SPRED2: variants seen among roughly 807,000 people sequenced by gnomAD.
SPRED2 encodes sprouty related EVH1 domain containing 2, also known as sprouty-related, EVH1 domain-containing protein 2.
In SPRED2, 47 loss-of-function variants were observed where a neutral mutation model predicts 43.0. That is an observed-to-expected ratio of 1.09 (90% CI 0.87 to 1.40). The LOEUF is 1.40. Among genes scored for constraint, SPRED2 ranks in the 40% most tolerant of loss-of-function variants. The pLI is 0.00. For missense variants in SPRED2, 561 were observed against 586.4 expected, an observed-to-expected ratio of 0.96 and a Z score of 0.45; for synonymous variants, 225 against 225.7, an observed-to-expected ratio of 1.00 and a Z score of 0.03.
chr2:65,382,959 T>G (rs966502919), intron 1 of SPRED2, among the ~76,000 whole-genome samples: 1 of 152,076 alleles, frequency 6.6e-6, no homozygotes, highest in African/African-American at 2.4e-5. Flanking sequence ...TTGAAAAATG[T>G]GGCATCCCAG....
Position 65,313,394 on chromosome 2 carries a change from G to A in SPRED2, c.*107C>T, listed in dbSNP as rs1673125837. 2 of 1,501,860 alleles carry A rather than the reference G, an allele frequency of 1.3e-6. No individual in the cohort carries two copies. The highest frequency in any genetic ancestry group is 1.3e-5 in the South Asian group (1 of 74,150). The allele number at this position is 1,501,860 out of a possible 1,614,324, so 93.0% of individuals were successfully genotyped here. On this transcript the variant is annotated 3_prime_UTR_variant, in exon 6 of 6. Coordinates refer to ENST00000356388, the MANE Select transcript of SPRED2 (RefSeq NM_181784.3). ...GTACCAGGGAGCTGGGAGGCCGCTT[G>A]CCCTCCTCGCTCCTTGGAGTGGAAG... is the stretch of plus-strand genomic sequence containing the variant.
chr2:65,384,975 C>CTTCTT (rs755213088), intron 1 of SPRED2, among the ~76,000 whole-genome samples: 11 of 139,830 alleles, frequency 7.9e-5, no homozygotes, highest in Non-Finnish European at 7.7e-5. Context: ...TCCACTTCTT[C>CTTCTT]TTTTTTTTTT....
At chr2:65,334,901 A>G (rs1673919136) in intron 2 of SPRED2, 128 bp from the exon 3 acceptor site, 1 of 876,564 alleles carries the variant, frequency 1.1e-6, no homozygotes, top group Admixed American at 2.3e-5. Context: ...GCCTTCACAT[A>G]TCTGTGAGTC....
chr2:65,357,761 A>G (rs115297092), intron 1 of SPRED2, among the ~76,000 whole-genome samples: 310 of 152,314 alleles, frequency 2.0e-3, no homozygotes, highest in African/African-American at 7.2e-3. Flanking sequence ...GTTTCACACC[A>G]ATAGAGGTAA....
chr2:65,379,560 A>C (rs1169067648), intron 1 of SPRED2, among the ~76,000 whole-genome samples: 1 of 152,196 alleles, frequency 6.6e-6, no homozygotes, highest in Non-Finnish European at 1.5e-5. Flanking sequence ...GAGGTGGAAC[A>C]CTTGCTCTGT....
Position 65,344,540 on chromosome 2 carries a change from A to G in SPRED2, c.204+179T>C, listed in dbSNP as rs750914131. On this transcript the variant is annotated intron_variant, in intron 2 of 5. Transcript: ENST00000356388. Reference sequence around the variant, plus strand: ...TGTGGTCAAAAGAGACTTTGCTGGAAAGGACAGTCACGTTTTACAATTTGG... The same window carrying G: ...TGTGGTCAAAAGAGACTTTGCTGGAGAGGACAGTCACGTTTTACAATTTGG... The G allele has an allele frequency of 3.9e-6, 3 of 778,784 alleles. No individual in the cohort carries two copies. In the South Asian group the frequency reaches 4.4e-5, roughly 11 times the overall value. The allele number at this position is 778,784 out of a possible 1,614,324, so 48.2% of individuals were successfully genotyped here.
At chr2:65,401,704 G>A (rs1675892242) in intron 1 of SPRED2, among the ~76,000 whole-genome samples, 1 of 151,954 alleles carries the variant, frequency 6.6e-6, no homozygotes, top group African/African-American at 2.4e-5. Flanking sequence ...GGAGGCTGAG[G>A]CAGGAGAATG....
At chr2:65,317,105 C>A (rs113945002) in intron 4 of SPRED2, among the ~76,000 whole-genome samples, 1,753 of 152,288 alleles carry the variant, frequency 0.012, 38 homozygotes, top group African/African-American at 0.041. Context: ...AGAAGCCCAG[C>A]CACCAGACCC....
chr2:65,334,115 C>T (rs1035317904), intron 3 of SPRED2: 1 of 460,578 alleles, frequency 2.2e-6, no homozygotes, highest in African/African-American at 2.0e-5. Flanking sequence ...ACTCACTTAC[C>T]CATAGACCAA....
intron 2 of SPRED2, among the ~76,000 whole-genome samples, chr2:65,336,798 A>C (rs1673979037): frequency 6.6e-6 from 1 of 152,234 alleles, no homozygotes; most frequent in Non-Finnish European, 1.5e-5. Context: ...TTCCAAAGGT[A>C]CATTTTCTTA....
At chr2:65,430,730 G>GC (rs2103826218) in intron 1 of SPRED2, among the ~76,000 whole-genome samples, 1 of 152,216 alleles carries the variant, frequency 6.6e-6, no homozygotes, top group African/African-American at 2.4e-5. Flanking sequence ...AGCTCTTTGC[G>GC]CCCAAGCCCG....
intron 2 of SPRED2, among the ~76,000 whole-genome samples, chr2:65,342,307 TATATTATGTATGTATATTTTGTATAC>T: frequency 1.4e-5 from 2 of 145,626 alleles, no homozygotes. Context: ...TTTGTATACG[TATATTATGTATGTATATTTTGTATAC>T]GTATATTATG....
At chr2:65,413,836 A>G (rs930990835) in intron 1 of SPRED2, among the ~76,000 whole-genome samples, 4 of 152,256 alleles carry the variant, frequency 2.6e-5, no homozygotes, top group Non-Finnish European at 5.9e-5. Context: ...TCTACTGAAC[A>G]TACAGACTGC....
chr2:65,375,015 T>C (rs1866051), intron 1 of SPRED2, among the ~76,000 whole-genome samples: 65,579 of 151,926 alleles, frequency 0.43, 16,694 homozygotes, highest in East Asian at 0.78. Context: ...TTTACAGGGG[T>C]GTCTCATAGG....
At chr2:65,428,755 CT>C (rs1346597128) in intron 1 of SPRED2, among the ~76,000 whole-genome samples, 2 of 152,210 alleles carry the variant, frequency 1.3e-5, no homozygotes, top group Non-Finnish European at 2.9e-5. Context: ...TGAATGGCAG[CT>C]CGATGTCTCC....
intron 1 of SPRED2, among the ~76,000 whole-genome samples, chr2:65,372,773 C>A (rs186121524): frequency 1.6e-3 from 242 of 152,302 alleles, no homozygotes; most frequent in Middle Eastern, 0.01. Context: ...CCTTAAGGAG[C>A]ACTTGCACCA....
intron 1 of SPRED2, among the ~76,000 whole-genome samples, chr2:65,362,290 GAT>G (rs1483569569): frequency 6.6e-6 from 1 of 151,774 alleles, no homozygotes; most frequent in African/African-American, 2.4e-5. Flanking sequence ...TTTTTTTTGA[GAT>G]GGAGTCTCAC....
chr2:65,398,338 C>T (rs1199439599), intron 1 of SPRED2, among the ~76,000 whole-genome samples: 4 of 152,180 alleles, frequency 2.6e-5, no homozygotes, highest in Non-Finnish European at 4.4e-5. Context: ...GCAAAGACTT[C>T]ATGACCAAGA....
At chr2:65,391,005 T>C (rs1031117265) in intron 1 of SPRED2, among the ~76,000 whole-genome samples, 1 of 151,440 alleles carries the variant, frequency 6.6e-6, no homozygotes, top group African/African-American at 2.4e-5. Flanking sequence ...GGAGAATCGC[T>C]TGAGCCTGGG....
Sources: allele counts gnomAD v4.1 joint callset (sites outside exome capture counted in the v4.1 genomes callset), GRCh38; gene constraint gnomAD v4.1.1; transcripts MANE v1.5; gene names NCBI Gene and HGNC (gene_info 2026-07-23, HGNC 2026-07-21).